The following MBOAT1 variants were observed in gnomAD, a reference collection of about 807,000 sequenced individuals.
MBOAT1 encodes membrane bound glycerophospholipid O-acyltransferase 1.
Under a neutral mutation model 64.4 loss-of-function variants are expected in MBOAT1, and 67 were observed. That is an observed-to-expected ratio of 1.04 (90% CI 0.85 to 1.27). The LOEUF (loss-of-function observed/expected upper bound fraction) is 1.27, where lower values mean the gene tolerates loss of function less well. Ranked by LOEUF, MBOAT1 falls within the 50% of genes most tolerant of loss-of-function variation. The pLI is 0.00. For missense variants in MBOAT1, 563 were observed against 604.6 expected (o/e 0.93, Z 0.72); for synonymous variants, 229 against 218.9 (o/e 1.05, Z -0.41).
At chr6:20,109,901 A>ATTTTTTTTTTTTTTTT (rs756853889) in intron 11 of MBOAT1, 152 bp from the exon 12 acceptor site, 3 of 296,680 alleles carry the variant, frequency 1.0e-5, no homozygotes, top group African/African-American at 2.6e-5. Context: ...TACCATCAGG[A>ATTTTTTTTTTTTTTTT]CTTTTTTTTT....
intron 1 of MBOAT1, among the ~76,000 whole-genome samples, chr6:20,208,658 C>G (rs1763332890): frequency 6.6e-6 from 1 of 151,982 alleles, no homozygotes; most frequent in Non-Finnish European, 1.5e-5. Flanking sequence ...GGTCTATTTT[C>G]CCCTTGCCCC....
intron 4 of MBOAT1, among the ~76,000 whole-genome samples, chr6:20,135,714 G>A (rs556784063): frequency 3.9e-5 from 6 of 152,084 alleles, no homozygotes; most frequent in Non-Finnish European, 8.8e-5. Context: ...TCTCCCAACA[G>A]GTAATTTTAG....
At chr6:20,184,519 C>A (rs989434032) in intron 1 of MBOAT1, among the ~76,000 whole-genome samples, 2 of 152,070 alleles carry the variant, frequency 1.3e-5, no homozygotes, top group Non-Finnish European at 2.9e-5. Context: ...ACACCTCAGT[C>A]CCTTGAAGGA....
chr6:20,122,153 G>A (rs989428780), intron 8 of MBOAT1, among the ~76,000 whole-genome samples: 4 of 151,956 alleles, frequency 2.6e-5, no homozygotes, highest in East Asian at 1.9e-4. Flanking sequence ...TGACAAGAGC[G>A]AAACTCCATC....
chr6:20,170,573 C>A (rs1347401847), intron 1 of MBOAT1, among the ~76,000 whole-genome samples: 1 of 152,136 alleles, frequency 6.6e-6, no homozygotes, highest in Non-Finnish European at 1.5e-5. Context: ...ATATAGCTAC[C>A]TGAATTCAGG....
At chr6:20,176,644 G>T (rs2113734006) in intron 1 of MBOAT1, among the ~76,000 whole-genome samples, 1 of 151,990 alleles carries the variant, frequency 6.6e-6, no homozygotes, top group South Asian at 2.1e-4. Flanking sequence ...AATTTTTTTT[G>T]AGACAGTCTC....
At chr6:20,169,868 TC>T (rs1457301875) in intron 1 of MBOAT1, among the ~76,000 whole-genome samples, 1 of 152,130 alleles carries the variant, frequency 6.6e-6, no homozygotes, top group African/African-American at 2.4e-5. Context: ...ATTTTTAACC[TC>T]CCTTTGTGCC....
chr6:20,148,014 C>T (rs1740205193), intron 3 of MBOAT1, among the ~76,000 whole-genome samples: 1 of 152,200 alleles, frequency 6.6e-6, no homozygotes, highest in South Asian at 2.1e-4. Flanking sequence ...CCAGTTGGTT[C>T]ACGTAGGGTA....
At chr6:20,132,143 A>G (rs1760848468) in intron 4 of MBOAT1, among the ~76,000 whole-genome samples, 1 of 152,174 alleles carries the variant, frequency 6.6e-6, no homozygotes, top group Non-Finnish European at 1.5e-5. Flanking sequence ...AGCCTCCGAA[A>G]GTGCTGGGAT....
intron 1 of MBOAT1, among the ~76,000 whole-genome samples, chr6:20,164,417 G>T (rs1761955970): frequency 6.6e-6 from 1 of 152,110 alleles, no homozygotes. Context: ...TACTACAAAA[G>T]TACTTTATAT....
chr6:20,210,471 T>G (rs1256248699), intron 1 of MBOAT1, among the ~76,000 whole-genome samples: 2 of 152,122 alleles, frequency 1.3e-5, no homozygotes, highest in African/African-American at 4.8e-5. Flanking sequence ...CCAAGGGTCA[T>G]CCACACTCAC....
chr6:20,168,815 G>A (rs1762110567), intron 1 of MBOAT1, among the ~76,000 whole-genome samples: 1 of 132,308 alleles, frequency 7.6e-6, no homozygotes, highest in Non-Finnish European at 1.6e-5. Context: ...GGGGAGGGGA[G>A]GAAGGAAGAG....
chr6:20,138,964 C>T (rs1170028585), intron 4 of MBOAT1, among the ~76,000 whole-genome samples: 2 of 152,142 alleles, frequency 1.3e-5, no homozygotes, highest in African/African-American at 2.4e-5. Flanking sequence ...CCCGGGCTTG[C>T]GTCTGCATTA....
chr6:20,198,073 A>T (rs1046720894), intron 1 of MBOAT1, among the ~76,000 whole-genome samples: 13 of 151,462 alleles, frequency 8.6e-5, no homozygotes, highest in Non-Finnish European at 1.9e-4. Flanking sequence ...TAAAAATACA[A>T]AAAAATTAGC....
chr6:20,185,761 C>T (rs1219489674), intron 1 of MBOAT1, among the ~76,000 whole-genome samples: 1 of 152,102 alleles, frequency 6.6e-6, no homozygotes, highest in Admixed American at 6.5e-5. Flanking sequence ...TTTTTCATCC[C>T]ACCTCTTAAC....
At chr6:20,195,605 C>CTGTGTG (rs10540923) in intron 1 of MBOAT1, among the ~76,000 whole-genome samples, 4,154 of 149,610 alleles carry the variant, frequency 0.028, 65 homozygotes, top group Middle Eastern at 0.066. Flanking sequence ...AATAAATTGC[C>CTGTGTG]TGTGTGTGTG....
At chr6:20,123,226 A>C (rs907314825) in intron 8 of MBOAT1, among the ~76,000 whole-genome samples, 2 of 152,228 alleles carry the variant, frequency 1.3e-5, no homozygotes, top group African/African-American at 4.8e-5. Context: ...AGAGAAGAGG[A>C]ACTCAAGGAA....
chr6:20,197,544 A>G (rs1316597312), intron 1 of MBOAT1, among the ~76,000 whole-genome samples: 1 of 152,110 alleles, frequency 6.6e-6, no homozygotes, highest in Non-Finnish European at 1.5e-5. Context: ...TGCTCCCCTC[A>G]CATGTAAATT....
At position 20,112,909 on chromosome 6, in the gene MBOAT1, T is replaced by A. The variant is rs1436633755; in HGVS notation, c.1176A>T (p.Leu392Phe). ...GVYPGYYFTF[L>F]TGILVTLAAR... ...CTGCTAATGTGACAAGAATTCCAGT[T>A]AAGAAGGTAAAATAGTATCCAGGGT... The change falls in exon 11 of 13, where the codon TTA becomes TTT. Residue 392 changes from leucine (L) to phenylalanine (F), a missense_variant. By Grantham distance (22) the Leu-to-Phe change is conservative. Coordinates refer to ENST00000324607, the MANE Select transcript of MBOAT1 (RefSeq NM_001080480.3). 1 of 1,613,998 alleles carries A rather than the reference T, an allele frequency of 6.2e-7. No individual in the cohort carries two copies. Among genetic ancestry groups the A allele is most frequent in the South Asian group, 1.1e-5 (1 of 91,076 alleles).
Sources: allele counts gnomAD v4.1 joint callset (sites outside exome capture counted in the v4.1 genomes callset), GRCh38; gene constraint gnomAD v4.1.1; transcripts MANE v1.5; gene names NCBI Gene and HGNC (gene_info 2026-07-23, HGNC 2026-07-21).